Variants in COL4A1 observed in about 807,000 individuals in gnomAD.
COL4A1 encodes collagen alpha-1(IV) chain.
COL4A1 carries 40 observed loss-of-function variants against 216.6 expected under a neutral mutation model. The ratio of observed to expected loss-of-function variants is 0.18; its 90% CI spans 0.14 to 0.24. The LOEUF (loss-of-function observed/expected upper bound fraction) is 0.24. Among genes scored for constraint, COL4A1 ranks in the 10% least tolerant of loss-of-function variants. The pLI is 1.00. For synonymous variants in COL4A1, 839 were observed against 810.7 expected, an observed-to-expected ratio of 1.03 and a Z score of -0.59; for missense variants, 1,628 against 2,196.8, an observed-to-expected ratio of 0.74 and a Z score of 5.18.
At chr13:110,206,768 A>G in intron 14 of COL4A1, 53 bp from the exon 15 acceptor site, 3 of 1,608,994 alleles carry the variant, frequency 1.9e-6, no homozygotes, top group Non-Finnish European at 2.6e-6. Context: ...AGCAAAATTT[A>G]AATTAGATAG....
chr13:110,217,300 T>C (rs1029392223), intron 2 of COL4A1, among the ~76,000 whole-genome samples: 3 of 152,220 alleles, frequency 2.0e-5, no homozygotes, highest in African/African-American at 7.2e-5. Context: ...CTGGACATGT[T>C]GTGCAAAGGT....
intron 1 of COL4A1, among the ~76,000 whole-genome samples, chr13:110,243,331 T>C (rs1179066964): frequency 6.6e-6 from 1 of 152,220 alleles, no homozygotes; most frequent in Non-Finnish European, 1.5e-5. Context: ...ACTTTTTTTT[T>C]TTTAAGACAA....
Position 110,290,176 on chromosome 13 carries a change from T to A in COL4A1, c.84+16768A>T, listed in dbSNP as rs535273127. On this transcript the variant is annotated intron_variant, in intron 1 of 51. Coordinates refer to ENST00000375820, the MANE Select transcript of COL4A1 (RefSeq NM_001845.6). ...TCATCTTTTCCTCTTAATTAAAGCCTAGTTGAAGGCCTTTTAAAGTTCATT... is the reference window on the plus strand; with the variant it reads ...TCATCTTTTCCTCTTAATTAAAGCCAAGTTGAAGGCCTTTTAAAGTTCATT... 9.2e-5 allele frequency among the ~76,000 whole-genome samples: 14 copies of A among 152,294 alleles called. 1 individual carries two copies. Among genetic ancestry groups the A allele is most frequent in the Admixed American group, 8.5e-4 (13 of 15,296 alleles).
At chr13:110,267,495 C>T (rs140758958) in intron 1 of COL4A1, among the ~76,000 whole-genome samples, 1,958 of 152,200 alleles carry the variant, frequency 0.013, 15 homozygotes, top group Middle Eastern at 0.037. Flanking sequence ...TGCAAAGCAT[C>T]CCTGTGCTGG....
At chr13:110,259,023 G>T (rs980471700) in intron 1 of COL4A1, among the ~76,000 whole-genome samples, 1 of 152,268 alleles carries the variant, frequency 6.6e-6, no homozygotes, top group East Asian at 1.9e-4. Context: ...CGGATGCAAA[G>T]ACTTCAGATG....
intron 1 of COL4A1, among the ~76,000 whole-genome samples, chr13:110,287,638 C>T (rs1302527093): frequency 6.6e-6 from 1 of 152,238 alleles, no homozygotes; most frequent in African/African-American, 2.4e-5. Context: ...AAGAAGCCGG[C>T]ACGTCCTTGA....
intron 49 of COL4A1, among the ~76,000 whole-genome samples, chr13:110,157,526 C>A (rs1876843448): frequency 6.6e-6 from 1 of 152,226 alleles, no homozygotes; most frequent in Admixed American, 6.5e-5. Flanking sequence ...GACAAAGGGG[C>A]AGCCTCTCTA....
chr13:110,210,188 G>T lies in COL4A1; in HGVS notation c.493C>A (p.His165Asn). The T allele has an allele frequency of 6.2e-7, 1 of 1,613,792 alleles. No individual in the cohort carries two copies. The highest frequency in any genetic ancestry group is 8.5e-7 in the Non-Finnish European group (1 of 1,180,020). ...MKGDPGEILG[H>N]VPGMLLKGER... Reference sequence around the variant, plus strand: ...CCTTTCAACAGCATCCCGGGCACATGGCCAAGTATCTCACCTGGATCACCC... The same window carrying T: ...CCTTTCAACAGCATCCCGGGCACATTGCCAAGTATCTCACCTGGATCACCC... Residue 165 changes from histidine to asparagine, a missense_variant, in exon 9 of 52, where the codon CAT becomes AAT. His to Asn is a moderately conservative substitution (Grantham distance 68, BLOSUM62 1). Transcript: ENST00000375820.
chr13:110,272,759 G>GTTGC (rs1033553869), intron 1 of COL4A1, among the ~76,000 whole-genome samples: 2 of 152,204 alleles, frequency 1.3e-5, no homozygotes, highest in Admixed American at 6.5e-5. Flanking sequence ...CAAGGCAGAA[G>GTTGC]TTGCTTTTCG....
intron 26 of COL4A1, 132 bp downstream of exon 26, chr13:110,186,252 CA>C: frequency 8.6e-7 from 1 of 1,159,544 alleles, no homozygotes; most frequent in Non-Finnish European, 1.3e-6. Context: ...GGTCCTGCCC[CA>C]ATTCCTGGAA....
intron 2 of COL4A1, among the ~76,000 whole-genome samples, chr13:110,234,243 C>T (rs1043456584): frequency 6.6e-6 from 1 of 152,142 alleles, no homozygotes; most frequent in African/African-American, 2.4e-5. Context: ...AAGGTTTTAT[C>T]CACCGATCCA....
At chr13:110,196,898 T>A (rs576275123) in intron 21 of COL4A1, among the ~76,000 whole-genome samples, 1 of 152,194 alleles carries the variant, frequency 6.6e-6, no homozygotes, top group Non-Finnish European at 1.5e-5. Flanking sequence ...ACATTATAAA[T>A]CTTAGTACAA....
In COL4A1 at chr13:110,212,030, A is replaced by G. The variant is rs1299948151; in HGVS notation, c.388-108T>C. ...TACCCTTCATTTGTTGGTTAAAATC[A>G]TTTCCTAAAAACAGTTTGTCACAAG... On this transcript the variant is annotated intron_variant, in intron 6 of 51. Coordinates refer to ENST00000375820, the MANE Select transcript of COL4A1 (RefSeq NM_001845.6). 7.5e-6 allele frequency: 9 copies of G among 1,193,464 alleles called. No individual in the cohort carries two copies. The East Asian group carries it at 1.6e-4, about 22-fold the overall frequency. 73.9% of individuals were successfully genotyped at this position (1,193,464 alleles called of 1,614,324 possible). A position where few individuals can be genotyped will look rare whatever the true frequency, so the allele number is the denominator to read the frequency against.
rs565657189 is a variant in COL4A1 at position 110,306,873 on chromosome 13, G to C, written c.84+71C>G. ...GGGGCAGGCGGACGGGTCCAGGCGC[G>C]GACAAAGGGGCCTCTCGGGGCGCCC... On this transcript the variant is annotated intron_variant, in intron 1 of 51. Transcript: ENST00000375820. The C allele has an allele frequency of 6.3e-5, 86 of 1,363,632 alleles. No individual in the cohort carries two copies. In the African/African-American group the frequency reaches 1.3e-3, roughly 20 times the overall value. The allele number at this position is 1,363,632 out of a possible 1,614,324, so 84.5% of individuals were successfully genotyped here.
intron 1 of COL4A1, chr13:110,306,038 G>A (rs1884688823): frequency 6.6e-6 from 1 of 152,098 alleles, no homozygotes; most frequent in Non-Finnish European, 1.5e-5. Flanking sequence ...GCATGGCTGT[G>A]ACACTGAGCA....
rs57824031 is a variant in COL4A1 at position 110,297,294 on chromosome 13, C to G, written c.84+9650G>C. Among the ~76,000 whole-genome samples, 1,492 of 152,260 alleles carry G rather than the reference C, an allele frequency of 9.8e-3. 24 individuals are homozygous for G. The highest frequency in any genetic ancestry group is 0.034 in the African/African-American group (1,410 of 41,544). Reference sequence around the variant, plus strand: ...TTATCACTTCGGATTCCAAGAATTTCAGGAATTGTATGCCAGGAAACAAGA... The same window carrying G: ...TTATCACTTCGGATTCCAAGAATTTGAGGAATTGTATGCCAGGAAACAAGA... On this transcript the variant is annotated intron_variant, in intron 1 of 51. Transcript: ENST00000375820.
chr13:110,219,724 G>GTATATACA (rs767634433), intron 2 of COL4A1, among the ~76,000 whole-genome samples: 15 of 114,784 alleles, frequency 1.3e-4, no homozygotes, highest in Non-Finnish European at 2.1e-4. Context: ...GTATATATAT[G>GTATATACA]TGTGTATATA....
At chr13:110,234,611 G>A (rs182737081) in intron 2 of COL4A1, among the ~76,000 whole-genome samples, 3 of 152,120 alleles carry the variant, frequency 2.0e-5, no homozygotes, top group African/African-American at 4.8e-5. Flanking sequence ...ACAGGGGGGC[G>A]TTCAAATAAG....
intron 28 of COL4A1, 42 bp from the exon 29 acceptor site, chr13:110,181,431 T>C: frequency 1.3e-6 from 2 of 1,527,906 alleles, no homozygotes; most frequent in Non-Finnish European, 1.8e-6. Context: ...CAAACAATCA[T>C]TGCGATTACA....
Sources: gnomAD v4.1 joint callset for allele counts (sites outside exome capture counted in the v4.1 genomes callset) on GRCh38, gnomAD v4.1.1 for gene constraint, MANE v1.5 for transcripts, NCBI Gene and HGNC (gene_info 2026-07-23, HGNC 2026-07-21) for gene names.